Variants in CTSD observed in about 807,000 individuals in gnomAD.
CTSD encodes the protein ceroid-lipofuscinosis, neuronal 10.
A neutral mutation model predicts 43.6 loss-of-function variants in CTSD; 28 were observed. The ratio of observed to expected loss-of-function variants is 0.64; its 90% CI spans 0.48 to 0.88. The LOEUF is 0.88. Among genes scored for constraint, CTSD ranks in the 40% least tolerant of loss-of-function variants. The pLI, the probability that CTSD is intolerant of heterozygous loss-of-function variation, is 0.00. For missense variants in CTSD, 485 were observed against 555.2 expected, an observed-to-expected ratio of 0.87 and a Z score of 1.27; for synonymous variants, 270 against 249.8, an observed-to-expected ratio of 1.08 and a Z score of -0.76.
At chr11:1,757,841 G>C (rs775925778) in intron 4 of CTSD, 3 of 502,402 alleles carry the variant, frequency 6.0e-6, no homozygotes, top group Non-Finnish European at 1.1e-5. Context: ...TCCCTGCTCC[G>C]ACCTCTTACT....
In CTSD at chr11:1,753,438, G is replaced by T; in HGVS notation, c.*65C>A. The T allele has an allele frequency of 6.3e-7, 1 of 1,593,854 alleles. No individual in the cohort carries two copies. Among genetic ancestry groups the T allele is most frequent in the South Asian group, 1.1e-5 (1 of 90,586 alleles). ...TGGGTGTGTGTGGGAGGGGCCGCTG[G>T]GCCAGGGGCCTCCTGCTCTGGGACT... is the stretch of plus-strand genomic sequence containing the variant. On this transcript the variant is annotated 3_prime_UTR_variant, in exon 9 of 9. Coordinates refer to ENST00000236671, the MANE Select transcript of CTSD (RefSeq NM_001909.5).
chr11:1,763,665 G>A (rs1845910884), intron 1 of CTSD, 127 bp downstream of exon 1: 1 of 918,230 alleles, frequency 1.1e-6, no homozygotes, highest in East Asian at 3.1e-5. Context: ...CGGCACAGGT[G>A]CATTCCAGCG....
chr11:1,757,406 C>A lies in CTSD; in HGVS notation c.622G>T (p.Val208Phe), dbSNP rs778031733. 2 of 1,614,194 alleles carry A rather than the reference C, an allele frequency of 1.2e-6. No individual in the cohort carries two copies. Among genetic ancestry groups the A allele is most frequent in the Non-Finnish European group, 1.7e-6 (2 of 1,180,036 alleles). Residue 208 changes from valine (V) to phenylalanine (F), a missense_variant, in exon 5 of 9, where the codon GTC becomes TTC. Val to Phe is a conservative substitution (Grantham distance 50). Transcript: ENST00000236671. ...TCGAAGACGGGCAGCACGTTGTTGA[C>A]GGAGATGCGGGGGTAGGCCATGCCC... ...ILGMAYPRIS[V>F]NNVLPVFDNL...
intron 6 of CTSD, among the ~76,000 whole-genome samples, chr11:1,754,535 G>A (rs1845780759): frequency 7.2e-6 from 1 of 139,006 alleles, no homozygotes; most frequent in Non-Finnish European, 1.6e-5. Flanking sequence ...GGGGATGGAG[G>A]GATGGAGGGA....
At chr11:1,756,346 A>G (rs970877227) in intron 5 of CTSD, among the ~76,000 whole-genome samples, 9 of 152,156 alleles carry the variant, frequency 5.9e-5, no homozygotes, top group Admixed American at 2.6e-4. Flanking sequence ...CCTGGCCTCT[A>G]GTGAGCAGCT....
At chr11:1,756,911 T>C (rs1845816624) in intron 5 of CTSD, among the ~76,000 whole-genome samples, 1 of 152,246 alleles carries the variant, frequency 6.6e-6, no homozygotes, top group African/African-American at 2.4e-5. Flanking sequence ...CCCGGTCCCC[T>C]GGGCACCATG....
chr11:1,754,014 C>G lies in CTSD; in HGVS notation c.952G>C (p.Val318Leu). The G allele has an allele frequency of 6.2e-7, 1 of 1,607,394 alleles. No homozygotes were observed. The highest frequency in any genetic ancestry group is 1.1e-5 in the South Asian group (1 of 90,620). ...CTCACCTCGCCCTGAATCAGCGGCA[C>G]GGCCCCGATGGCCTTCTGCAGCTCG... is the stretch of plus-strand genomic sequence containing the variant. ...VRELQKAIGA[V>L]PLIQGEYMIP... Residue 318 changes from valine (V) to leucine (L), a missense_variant, in exon 7 of 9, where the codon GTG becomes CTG. Transcript: ENST00000236671.
At position 1,753,374 on chromosome 11, in the gene CTSD, G is replaced by A. The variant is rs1031613166; in HGVS notation, c.*129C>T. 21 of 1,172,228 alleles carry A rather than the reference G, an allele frequency of 1.8e-5. No individual in the cohort carries two copies. Among genetic ancestry groups the A allele is most frequent in the Non-Finnish European group, 2.2e-5 (17 of 790,212 alleles). The allele number at this position is 1,172,228 out of a possible 1,614,324, so 72.6% of individuals were successfully genotyped here. A position where few individuals can be genotyped will look rare whatever the true frequency, so the allele number is the denominator to read the frequency against. Reference sequence around the variant, plus strand: ...AACAGCAAGTCGGGCTTGGGCCGCCGGCTTCCAGGGCGCCCAGGACAGTGG... The same window carrying A: ...AACAGCAAGTCGGGCTTGGGCCGCCAGCTTCCAGGGCGCCCAGGACAGTGG... On this transcript the variant is annotated 3_prime_UTR_variant, in exon 9 of 9. Transcript: ENST00000236671.
At position 1,755,069 on chromosome 11, in the gene CTSD, C is replaced by G. The variant is rs569619224; in HGVS notation, c.705-41G>C. 55 of 1,612,678 alleles carry G rather than the reference C, an allele frequency of 3.4e-5. No individual in the cohort carries two copies. The Middle Eastern group carries it at 6.6e-4, about 19-fold the overall frequency. ...AGGAGTCAGCTGCCACGCCACCCCCCAAGCACAAGAGTGCCAGGTCAGGAG... is the reference window on the plus strand; with the variant it reads ...AGGAGTCAGCTGCCACGCCACCCCCGAAGCACAAGAGTGCCAGGTCAGGAG... On this transcript the variant is annotated intron_variant, in intron 5 of 8. Transcript: ENST00000236671.
At position 1,757,422 on chromosome 11, in the gene CTSD, G is replaced by C. The variant is rs775478289; in HGVS notation, c.606C>G (p.Ala202=). 12 of 1,614,172 alleles carry C rather than the reference G, an allele frequency of 7.4e-6. No individual in the cohort carries two copies. The Admixed American group carries it at 2.0e-4, about 27-fold the overall frequency. The change falls in exon 5 of 9, where the codon GCC becomes GCG. Residue 202 remains alanine (A), a synonymous_variant. Coordinates refer to ENST00000236671, the MANE Select transcript of CTSD (RefSeq NM_001909.5). ...CGTTGTTGACGGAGATGCGGGGGTAGGCCATGCCCAGGATGCCATCGAACT... is the reference window on the plus strand; with the variant it reads ...CGTTGTTGACGGAGATGCGGGGGTACGCCATGCCCAGGATGCCATCGAACT... The part of the protein sequence containing the change: ...AAKFDGILGM[A]YPRISVNNVL...
At position 1,759,659 on chromosome 11, in the gene CTSD, G is replaced by A. The variant is rs748457876; in HGVS notation, c.229-20C>T. ...CTGGGCCTGGCAGGGGACAGGGTCC[G>A]TCAGGGATGGGAGAGGGGGCCCCAT... On this transcript the variant is annotated intron_variant, in intron 2 of 8. Transcript: ENST00000236671. 1.8e-5 allele frequency: 29 copies of A among 1,606,286 alleles called. No homozygotes were observed. Among genetic ancestry groups the A allele is most frequent in the East Asian group, 2.2e-5 (1 of 44,742 alleles).
In CTSD at chr11:1,763,600, C is replaced by T. The variant is rs967295061; in HGVS notation, c.68+192G>A. On this transcript the variant is annotated intron_variant, in intron 1 of 8. Transcript: ENST00000236671. ...GCGCCTCTGCCCCGGGTCCCCTGCA[C>T]CTCCGGAGCCCGGCGCCCCGTAGGC... 1.5e-5 allele frequency: 8 copies of T among 532,578 alleles called. No homozygotes were observed. The Admixed American group carries it at 2.9e-4, about 20-fold the overall frequency. The allele number at this position is 532,578 out of a possible 1,614,324, so 33.0% of individuals were successfully genotyped here. A position where few individuals can be genotyped will look rare whatever the true frequency, so the allele number is the denominator to read the frequency against.
chr11:1,758,848 C>T (rs1845840138), intron 4 of CTSD, 121 bp downstream of exon 4: 1 of 802,206 alleles, frequency 1.2e-6, no homozygotes, highest in South Asian at 1.3e-5. Flanking sequence ...CTGCCCCGGC[C>T]ACCTGAGGGC....
chr11:1,755,130 TGAA>T (rs1476233897), intron 5 of CTSD, 102 bp from the exon 6 acceptor site: 4 of 1,404,082 alleles, frequency 2.8e-6, no homozygotes, highest in African/African-American at 2.8e-5. Flanking sequence ...GAGAGCTTCC[TGAA>T]GGAGGGGCCT....
Position 1,753,664 on chromosome 11 carries a change from G to A in CTSD, c.1078C>T (p.Gln360Ter), listed in dbSNP as rs776244757. Residue 360 changes from glutamine (Q) to a stop codon, truncating the protein, a stop_gained, in exon 9 of 9, where the codon CAG becomes TAG. Transcript: ENST00000236671. LOFTEE classifies it high-confidence loss of function. ...CTCAGGCAGAGGGTCTTCCCGGCCT[G>A]CGACACCTGGGACGGCCCTGGTGGT... The part of the protein sequence containing the change: ...SPEDYTLKVS[Q>*]AGKTLCLSGF... The A allele has an allele frequency of 6.2e-7, 1 of 1,612,852 alleles. No individual in the cohort carries two copies. The highest frequency in any genetic ancestry group is 8.5e-7 in the Non-Finnish European group (1 of 1,179,842).
Position 1,759,554 on chromosome 11 carries a change from A to G in CTSD, c.314T>C (p.Val105Ala). 10 of 1,613,532 alleles carry G rather than the reference A, an allele frequency of 6.2e-6. No homozygotes were observed. The highest frequency in any genetic ancestry group is 8.5e-6 in the Non-Finnish European group (10 of 1,179,990). The change falls in exon 3 of 9, where the codon GTC (valine) becomes GCC (alanine). Residue 105 changes from valine (V) to alanine (A), a missense_variant. Val to Ala is a moderately conservative substitution (Grantham distance 64). Coordinates refer to ENST00000236671, the MANE Select transcript of CTSD (RefSeq NM_001909.5). ...CAGCAGTTTGCAGTGGATGGAGGGG[A>G]CCCACAGGTTGGAGGAGCCCGTGTC... ...VFDTGSSNLW[V>A]PSIHCKLLDI...
At position 1,763,895 on chromosome 11, in the gene CTSD, C is replaced by A; in HGVS notation, c.-36G>T. The A allele has an allele frequency of 6.6e-7, 1 of 1,509,628 alleles. No homozygotes were observed. Among genetic ancestry groups the A allele is most frequent in the Non-Finnish European group, 8.8e-7 (1 of 1,132,492 alleles). The allele number at this position is 1,509,628 out of a possible 1,614,324, so 93.5% of individuals were successfully genotyped here. A position where few individuals can be genotyped will look rare whatever the true frequency, so the allele number is the denominator to read the frequency against. ...GCCGGGTCGGAGAGGGTCGCCGAGG[C>A]CGTGCGCTTATAGCCGGGATGACGC... On this transcript the variant is annotated 5_prime_UTR_variant, in exon 1 of 9. Transcript: ENST00000236671.
rs534216994 is a variant in CTSD, at chr11:1,757,335, G to A, written c.693C>T (p.Phe231=). The A allele has an allele frequency of 1.7e-5, 27 of 1,613,772 alleles. 1 individual carries two copies. The South Asian group carries it at 2.7e-4, about 16-fold the overall frequency. The change falls in exon 5 of 9, where the codon TTC becomes TTT. Residue 231 remains phenylalanine, a synonymous_variant. Coordinates refer to ENST00000236671, the MANE Select transcript of CTSD (RefSeq NM_001909.5). ...QKLVDQNIFS[F]YLSRDPDAQP... is the part of the protein sequence containing the mutation. The stretch of plus-strand genomic sequence containing the variant: ...ACCCACACGCCCACCTGCTCAGGTA[G>A]AAGGAGAAGATGTTCTGGTCCACCA...
Position 1,761,410 on chromosome 11 carries a change from C to G in CTSD, c.127G>C (p.Val43Leu), listed in dbSNP as rs1252146408. The change falls in exon 2 of 9, where the codon GTG (valine) becomes CTG (leucine). Residue 43 changes from valine to leucine, a missense_variant. Physicochemically the swap from Val to Leu is conservative, Grantham distance 32. Transcript: ENST00000236671. ...GGGCCTTTGGCAATCAGGTCCTCCA[C>G]AGAGCCCCCAACCTCCGACATGGTC... ...RRTMSEVGGSVEDLIAKGPVS... is the reference protein window; with the variant it reads ...RRTMSEVGGSLEDLIAKGPVS... 1.7e-5 allele frequency: 27 copies of G among 1,613,772 alleles called. No individual in the cohort carries two copies. Among genetic ancestry groups the G allele is most frequent in the Non-Finnish European group, 2.2e-5 (26 of 1,180,022 alleles).
Sources: allele counts gnomAD v4.1 joint callset (sites outside exome capture counted in the v4.1 genomes callset), GRCh38; gene constraint gnomAD v4.1.1; transcripts MANE v1.5; gene names NCBI Gene and HGNC (gene_info 2026-07-23, HGNC 2026-07-21).